The following CNTNAP2 variants were observed in gnomAD, a reference collection of about 807,000 sequenced individuals.
CNTNAP2 encodes the protein contactin-associated protein-like 2.
CNTNAP2 carries 98 observed loss-of-function variants against 155.2 expected under a neutral mutation model. The ratio of observed to expected loss-of-function variants is 0.63; its 90% CI spans 0.54 to 0.75. The LOEUF (loss-of-function observed/expected upper bound fraction) is 0.75, where lower values mean the gene tolerates loss of function less well. Among genes scored for constraint, CNTNAP2 ranks in the 30% least tolerant of loss-of-function variants. CNTNAP2 has a pLI of 0.00. For synonymous variants in CNTNAP2, 651 were observed against 631.2 expected (o/e 1.03, Z -0.47); for missense variants, 1,727 against 1,688.1 (o/e 1.02, Z -0.40).
chr7:146,707,056 G>A (rs1230133263), intron 1 of CNTNAP2, among the ~76,000 whole-genome samples: 1 of 152,068 alleles, frequency 6.6e-6, no homozygotes, highest in East Asian at 1.9e-4. Flanking sequence ...CGTAAAATCT[G>A]CAATTCGAAT....
At chr7:148,227,354 C>G (rs575853791) in intron 19 of CNTNAP2, among the ~76,000 whole-genome samples, 50 of 152,214 alleles carry the variant, frequency 3.3e-4, no homozygotes, top group Middle Eastern at 3.4e-3. Context: ...GCAAGTGTAC[C>G]CATCTCTTTT....
At chr7:147,942,968 C>T (rs1307332823) in intron 14 of CNTNAP2, among the ~76,000 whole-genome samples, 4 of 151,644 alleles carry the variant, frequency 2.6e-5, no homozygotes, top group Non-Finnish European at 5.9e-5. Context: ...ACCCGGGAGG[C>T]GGAGCTTGCA....
intron 14 of CNTNAP2, among the ~76,000 whole-genome samples, chr7:147,915,552 GTCTGTGTGTGTGTGT>G (rs1800143843): frequency 5.9e-5 from 9 of 152,222 alleles, no homozygotes; most frequent in Admixed American, 5.9e-4. Flanking sequence ...GCATGTGCTT[GTCTGTGTGTGTGTGT>G]ATAAAATAAA....
intron 9 of CNTNAP2, among the ~76,000 whole-genome samples, chr7:147,328,891 A>G (rs968315406): frequency 6.6e-6 from 1 of 152,154 alleles, no homozygotes; most frequent in Non-Finnish European, 1.5e-5. Context: ...CTTTGGCAAA[A>G]TCTGTAGTTG....
At chr7:146,121,273 C>A (rs932771986) in intron 1 of CNTNAP2, among the ~76,000 whole-genome samples, 1 of 151,614 alleles carries the variant, frequency 6.6e-6, no homozygotes, top group African/African-American at 2.4e-5. Flanking sequence ...GGACTACAGG[C>A]GCCCACCACC....
At chr7:148,054,183 A>G (rs1404717488) in intron 15 of CNTNAP2, among the ~76,000 whole-genome samples, 2 of 152,100 alleles carry the variant, frequency 1.3e-5, no homozygotes, top group Non-Finnish European at 2.9e-5. Context: ...CGTGTTAGCC[A>G]GGATGTTCTT....
At chr7:147,138,100 A>G (rs1490939215) in intron 8 of CNTNAP2, among the ~76,000 whole-genome samples, 1 of 151,924 alleles carries the variant, frequency 6.6e-6, no homozygotes, top group East Asian at 1.9e-4. Context: ...AGATTTTTGT[A>G]CCTTTTGATG....
At chr7:147,511,260 C>A (rs947923410) in intron 11 of CNTNAP2, among the ~76,000 whole-genome samples, 4 of 151,998 alleles carry the variant, frequency 2.6e-5, no homozygotes, top group East Asian at 1.9e-4. Context: ...TGAATACCGA[C>A]CTTTCACACT....
chr7:147,718,171 AC>A (rs1796509792), intron 13 of CNTNAP2, among the ~76,000 whole-genome samples: 1 of 152,072 alleles, frequency 6.6e-6, no homozygotes, highest in African/African-American at 2.4e-5. Context: ...TTTTACTTTG[AC>A]CGTGGAAGCA....
chr7:147,060,027 T>A (rs1799633325), intron 4 of CNTNAP2, among the ~76,000 whole-genome samples: 1 of 152,186 alleles, frequency 6.6e-6, no homozygotes, highest in South Asian at 2.1e-4. Context: ...GCTACAACTA[T>A]CTTCATTAGG....
At chr7:147,762,954 T>C (rs1460159673) in intron 13 of CNTNAP2, among the ~76,000 whole-genome samples, 1 of 152,140 alleles carries the variant, frequency 6.6e-6, no homozygotes, top group Non-Finnish European at 1.5e-5. Flanking sequence ...GTTTGTTGTA[T>C]GTGCAATCAA....
chr7:147,224,575 G>A (rs1376158181), intron 8 of CNTNAP2, among the ~76,000 whole-genome samples: 1 of 152,044 alleles, frequency 6.6e-6, no homozygotes, highest in African/African-American at 2.4e-5. Context: ...TGTTTTCCAG[G>A]AAATCAAGTA....
At chr7:147,049,315 A>G (rs984514291) in intron 4 of CNTNAP2, among the ~76,000 whole-genome samples, 1 of 152,236 alleles carries the variant, frequency 6.6e-6, no homozygotes, top group Non-Finnish European at 1.5e-5. Context: ...AGAAAAATAT[A>G]CATGTTTACA....
At chr7:146,247,443 G>T (rs1799679179) in intron 1 of CNTNAP2, among the ~76,000 whole-genome samples, 1 of 152,012 alleles carries the variant, frequency 6.6e-6, no homozygotes, top group Non-Finnish European at 1.5e-5. Flanking sequence ...GGCCAGGAGG[G>T]GAGAGGTAGA....
At chr7:147,925,206 G>GGAAGGAAGGAAGGAAGGAAA (rs1168048569) in intron 14 of CNTNAP2, among the ~76,000 whole-genome samples, 36 of 122,768 alleles carry the variant, frequency 2.9e-4, no homozygotes, top group African/African-American at 1.0e-3. Context: ...AAGGAAGGAA[G>GGAAGGAAGGAAGGAAGGAAA]GAAAGAAGGA....
intron 1 of CNTNAP2, among the ~76,000 whole-genome samples, chr7:146,390,110 T>A (rs1047165896): frequency 6.6e-6 from 1 of 152,182 alleles, no homozygotes; most frequent in Non-Finnish European, 1.5e-5. Flanking sequence ...TTTTAGTAAA[T>A]ATTCCAAAAG....
intron 12 of CNTNAP2, among the ~76,000 whole-genome samples, chr7:147,586,548 AGGGAGGGAGGG>A (rs1800628111): frequency 3.7e-5 from 1 of 26,738 alleles, no homozygotes; most frequent in African/African-American, 1.1e-4. Context: ...GAAGGAAGGG[AGGGAGGGAGGG>A]AGGGAGGGAG....
intron 21 of CNTNAP2, among the ~76,000 whole-genome samples, chr7:148,373,015 C>T (rs1382856016): frequency 6.6e-6 from 1 of 152,212 alleles, no homozygotes; most frequent in East Asian, 1.9e-4. Flanking sequence ...TGTCTTCCAC[C>T]TGCACACCTT....
intron 1 of CNTNAP2, among the ~76,000 whole-genome samples, chr7:146,573,207 A>G (rs1036568272): frequency 6.6e-6 from 1 of 152,110 alleles, no homozygotes; most frequent in African/African-American, 2.4e-5. Context: ...CAGTGGCACA[A>G]TCTCGGCTCA....
Sources: gnomAD v4.1 joint callset for allele counts (sites outside exome capture counted in the v4.1 genomes callset) on GRCh38, gnomAD v4.1.1 for gene constraint, MANE v1.5 for transcripts, NCBI Gene and HGNC (gene_info 2026-07-23, HGNC 2026-07-21) for gene names.